Variants in DOT1L observed in about 807,000 individuals in gnomAD.
DOT1L encodes the protein DOT1 like histone lysine methyltransferase, also known as histone-lysine N-methyltransferase, H3 lysine-79 specific.
In DOT1L, 33 loss-of-function variants were observed where a neutral mutation model predicts 153.3. The observed-to-expected ratio is 0.22, with a 90% CI of 0.16 to 0.29. DOT1L has a LOEUF of 0.29. Ranked by LOEUF, DOT1L falls within the 10% of genes least tolerant of loss-of-function variation. The pLI, the probability that DOT1L is intolerant of heterozygous loss-of-function variation, is 1.00. For missense variants in DOT1L, 1,847 were observed against 2,119.9 expected (o/e 0.87, Z 2.53); for synonymous variants, 1,135 against 965.1 (o/e 1.18, Z -3.26).
intron 9 of DOT1L, among the ~76,000 whole-genome samples, chr19:2,206,369 C>T (rs2023492272): frequency 6.6e-6 from 1 of 151,908 alleles, no homozygotes; most frequent in Admixed American, 6.6e-5. Flanking sequence ...ACAAGCCTGG[C>T]CAGCAGGGTG....
chr19:2,164,304 C>T (rs778632698), intron 1 of DOT1L, 39 bp downstream of exon 1: 7 of 1,227,188 alleles, frequency 5.7e-6, no homozygotes, highest in Admixed American at 8.4e-5. Context: ...TCCCGGCCTC[C>T]CCTCCTCCGC....
In DOT1L at chr19:2,231,360, C is replaced by T. The variant is rs985695943; in HGVS notation, c.*1568C>T. 9.6e-6 allele frequency: 2 copies of T among 208,482 alleles called. No individual in the cohort carries two copies. Among genetic ancestry groups the T allele is most frequent in the African/African-American group, 2.3e-5 (1 of 43,862 alleles). The allele number at this position is 208,482 out of a possible 1,614,324, so 12.9% of individuals were successfully genotyped here. ...GGTTCCCAAGGGCAGGATGGACACA[C>T]GTCACATCCCTACCACGTGGCCTCC... is the stretch of plus-strand genomic sequence containing the variant. On this transcript the variant is annotated 3_prime_UTR_variant, in exon 28 of 28. Transcript: ENST00000398665.
In DOT1L at chr19:2,165,621, A is replaced by G. The variant is rs181578225; in HGVS notation, c.81+1356A>G. 1.9e-3 allele frequency among the ~76,000 whole-genome samples: 289 copies of G among 152,348 alleles called. 2 individuals carry two copies. The highest frequency in any genetic ancestry group is 6.7e-3 in the African/African-American group (280 of 41,584). On this transcript the variant is annotated intron_variant, in intron 1 of 27. Transcript: ENST00000398665. ...CCTCCCTCGAAAGTTCAAACTCCAG[A>G]ACCCTTCCAGCCTCCACTTCTCTCT...
chr19:2,218,322 G>A (rs891786980), intron 22 of DOT1L, among the ~76,000 whole-genome samples: 4 of 152,186 alleles, frequency 2.6e-5, no homozygotes, highest in African/African-American at 9.7e-5. Flanking sequence ...GGATTTTCTG[G>A]GCATTGAACT....
intron 9 of DOT1L, among the ~76,000 whole-genome samples, chr19:2,203,691 C>T (rs1459408468): frequency 6.6e-6 from 1 of 152,258 alleles, no homozygotes; most frequent in African/African-American, 2.4e-5. Context: ...CCAGACCACA[C>T]TCTGTGGACT....
At chr19:2,194,711 G>C (rs1467022494) in intron 7 of DOT1L, 134 bp downstream of exon 7, 1 of 671,618 alleles carries the variant, frequency 1.5e-6, no homozygotes, top group Non-Finnish European at 2.3e-6. Context: ...AGTCCCCTCT[G>C]GTTCTCGTAG....
rs2024342399 is a variant in DOT1L, at chr19:2,226,617, C to T, written c.4096C>T (p.Pro1366Ser). Residue 1366 changes from proline to serine, a missense_variant, in exon 27 of 28, where the codon CCT (proline) becomes TCT (serine). By Grantham distance (74) the Pro-to-Ser change is moderately conservative. Coordinates refer to ENST00000398665, the MANE Select transcript of DOT1L (RefSeq NM_032482.3). ...QRGKEGSDAN[P>S]FLSKRQLDGL... ...CGGCAAGGAGGGCTCGGACGCCAAC[C>T]CTTTCCTGAGCAAGAGGCAGCTGGA... The T allele has an allele frequency of 1.9e-6, 3 of 1,596,356 alleles. No individual in the cohort carries two copies. Among genetic ancestry groups the T allele is most frequent in the Non-Finnish European group, 8.5e-7 (1 of 1,175,606 alleles).
chr19:2,184,836 T>C (rs2022417011), intron 2 of DOT1L, among the ~76,000 whole-genome samples: 1 of 152,006 alleles, frequency 6.6e-6, no homozygotes, highest in Non-Finnish European at 1.5e-5. Flanking sequence ...CCCCAGGAGG[T>C]GCTGTGTGTG....
intron 22 of DOT1L, among the ~76,000 whole-genome samples, chr19:2,218,493 A>T (rs1447206655): frequency 6.6e-6 from 1 of 151,460 alleles, no homozygotes; most frequent in African/African-American, 2.4e-5. Flanking sequence ...TCCCGGGTTC[A>T]CGCCATTCTC....
At chr19:2,164,400 C>T (rs995751255) in intron 1 of DOT1L, 135 bp downstream of exon 1, 16 of 532,272 alleles carry the variant, frequency 3.0e-5, no homozygotes, top group Non-Finnish European at 3.6e-5. Context: ...ACTGTCGCTG[C>T]TCCACCCCCG....
At chr19:2,213,820 A>G (rs750994033) in intron 17 of DOT1L, 29 bp from the exon 18 acceptor site, 14 of 1,612,354 alleles carry the variant, frequency 8.7e-6, no homozygotes, top group Non-Finnish European at 1.2e-5. Context: ...GGCCACCAGC[A>G]TGACCTCTCC....
At chr19:2,164,504 A>G in intron 1 of DOT1L, 1 of 300,298 alleles carries the variant, frequency 3.3e-6, no homozygotes, top group Non-Finnish European at 6.1e-6. Flanking sequence ...CCCGAGCCCT[A>G]CCGCGGTGCC....
chr19:2,220,733 T>C lies in DOT1L; in HGVS notation c.2806+511T>C. 1 of 353,396 alleles carries C rather than the reference T, an allele frequency of 2.8e-6. No homozygotes were observed. Among genetic ancestry groups the C allele is most frequent in the South Asian group, 2.1e-5 (1 of 47,732 alleles). The allele number at this position is 353,396 out of a possible 1,614,324, so 21.9% of individuals were successfully genotyped here. A position where few individuals can be genotyped will look rare whatever the true frequency, so the allele number is the denominator to read the frequency against. ...GTTGACACTGCAGGCCTGTCTGTTG[T>C]GGAAGCCGCAGAGACAGCATGTCAG... On this transcript the variant is annotated intron_variant, in intron 23 of 27. Transcript: ENST00000398665. This position sits in a 1 kb window ranked among gnomAD's most constrained non-coding sequence, Gnocchi z 4.5.
At chr19:2,218,040 A>G (rs1048835257) in intron 22 of DOT1L, 122 bp downstream of exon 22, 1 of 1,399,062 alleles carries the variant, frequency 7.1e-7, no homozygotes, top group African/African-American at 1.4e-5. Context: ...GAGGCAATGC[A>G]GTCAAGGTGG....
rs1359386136 is a variant in DOT1L, at chr19:2,193,859, C to T, written c.588+76C>T. ...AAAGTGACGCCCTGGGTGCCTGCACCCCACTGCTGTGGGACTTCCGAGTCT... is the reference window on the plus strand; with the variant it reads ...AAAGTGACGCCCTGGGTGCCTGCACTCCACTGCTGTGGGACTTCCGAGTCT... On this transcript the variant is annotated intron_variant, in intron 6 of 27. Transcript: ENST00000398665. This position sits in a 1 kb window ranked among gnomAD's most constrained non-coding sequence, Gnocchi z 5.9. The T allele has an allele frequency of 6.8e-7, 1 of 1,473,280 alleles. No individual in the cohort carries two copies. Among genetic ancestry groups the T allele is most frequent in the Non-Finnish European group, 9.3e-7 (1 of 1,074,588 alleles). 91.3% of individuals were successfully genotyped at this position (1,473,280 alleles called of 1,614,324 possible).
intron 2 of DOT1L, 40 bp downstream of exon 2, chr19:2,180,796 G>C: frequency 6.2e-7 from 1 of 1,612,068 alleles, no homozygotes; most frequent in Non-Finnish European, 8.5e-7. Flanking sequence ...TCACAGCCCT[G>C]AGCCACTTCC....
rs758808732 is a variant in DOT1L at position 2,229,838 on chromosome 19, AACTCGCGCCCG to A, written c.*47_*57del. On this transcript the variant is annotated 3_prime_UTR_variant, in exon 28 of 28. Transcript: ENST00000398665. ...GACCTATGCAAGGACGGTGTGGACC[AACTCGCGCCCG>A]CGGCATGGTGCCCGCCGGCCTGCCG... is the stretch of plus-strand genomic sequence containing the variant. 4.2e-5 allele frequency: 67 copies of A among 1,612,618 alleles called. 1 individual carries two copies. In the South Asian group the frequency reaches 7.1e-4, roughly 17 times the overall value.
chr19:2,182,870 G>A (rs977573212), intron 2 of DOT1L, among the ~76,000 whole-genome samples: 5 of 152,190 alleles, frequency 3.3e-5, no homozygotes, highest in African/African-American at 1.2e-4. Flanking sequence ...TGAACCTTGT[G>A]TGTTTTCTGG....
Position 2,217,880 on chromosome 19 carries a change from C to T in DOT1L, c.2653C>T (p.Leu885=), listed in dbSNP as rs1186226128. ...CAACAAGCTCCCGGTCAGCATTCCCCTGGCCAGCGTGGTGCTGCCCAGCCG... is the reference window on the plus strand; with the variant it reads ...CAACAAGCTCCCGGTCAGCATTCCCTTGGCCAGCGTGGTGCTGCCCAGCCG... The part of the protein sequence containing the change: ...QPNKLPVSIP[L]ASVVLPSRAE... Residue 885 remains leucine (L), a synonymous_variant, in exon 22 of 28, where the codon CTG becomes TTG. Coordinates refer to ENST00000398665, the MANE Select transcript of DOT1L (RefSeq NM_032482.3). This position sits in a 1 kb window ranked among gnomAD's most constrained non-coding sequence, Gnocchi z 7.3. 3 of 1,612,416 alleles carry T rather than the reference C, an allele frequency of 1.9e-6. No individual in the cohort carries two copies. Among genetic ancestry groups the T allele is most frequent in the Admixed American group, 1.7e-5 (1 of 59,962 alleles).
Sources: allele counts gnomAD v4.1 joint callset (sites outside exome capture counted in the v4.1 genomes callset), GRCh38; gene constraint gnomAD v4.1.1; non-coding constraint Gnocchi (gnomAD v3.1); transcripts MANE v1.5; gene names NCBI Gene and HGNC (gene_info 2026-07-23, HGNC 2026-07-21).